Variants in IARS1 observed in about 807,000 individuals in gnomAD.
IARS1 encodes the protein isoleucine--tRNA ligase, cytoplasmic.
IARS1 carries 124 observed loss-of-function variants against 168.2 expected under a neutral mutation model. The ratio of observed to expected loss-of-function variants is 0.74; its 90% CI spans 0.64 to 0.86. IARS1 has a LOEUF of 0.86. IARS1 is among the 40% of genes least tolerant of loss of function. The probability of loss-of-function intolerance (pLI) is 0.00; values close to 1 mark genes in which losing one functional copy is unlikely to be tolerated. For missense variants in IARS1, 1,452 were observed against 1,515.8 expected (o/e 0.96, Z 0.70); for synonymous variants, 532 against 529.4 (o/e 1.00, Z -0.07).
At chr9:92,239,782 G>C (rs2133586863) in intron 30 of IARS1, among the ~76,000 whole-genome samples, 1 of 152,240 alleles carries the variant, frequency 6.6e-6, no homozygotes, top group East Asian at 1.9e-4. Flanking sequence ...TGACAGGGGA[G>C]GGGTCTTCAG....
At chr9:92,258,321 C>T (rs1034571605) in intron 19 of IARS1, among the ~76,000 whole-genome samples, 4 of 152,138 alleles carry the variant, frequency 2.6e-5, no homozygotes, top group Admixed American at 1.3e-4. Context: ...AGCTGGGTGC[C>T]GTGGCTCATG....
intron 2 of IARS1, 53 bp from the exon 3 acceptor site, chr9:92,288,335 G>C (rs1490402627): frequency 6.5e-7 from 1 of 1,530,474 alleles, no homozygotes; most frequent in Admixed American, 1.7e-5. Context: ...AAAATTTAAG[G>C]CATTTTTCTA....
intron 30 of IARS1, among the ~76,000 whole-genome samples, chr9:92,235,887 G>A (rs1277892985): frequency 1.3e-5 from 2 of 152,140 alleles, no homozygotes; most frequent in Non-Finnish European, 2.9e-5. Context: ...CTTGGTGATG[G>A]TGCATAATTC....
chr9:92,260,253 G>C lies in IARS1; in HGVS notation c.1788-19C>G. On this transcript the variant is annotated intron_variant, in intron 17 of 33. Transcript: ENST00000443024. ...GCCATCACTTGTAAAACAAAAGGGA[G>C]ATGCCAATTAAGTAAGTCAATATCA... 1 of 1,482,906 alleles carries C rather than the reference G, an allele frequency of 6.7e-7. No individual in the cohort carries two copies. Among genetic ancestry groups the C allele is most frequent in the South Asian group, 1.1e-5 (1 of 88,310 alleles). 91.9% of individuals were successfully genotyped at this position (1,482,906 alleles called of 1,614,324 possible).
chr9:92,236,263 C>T (rs921599471), intron 30 of IARS1, among the ~76,000 whole-genome samples: 2 of 152,206 alleles, frequency 1.3e-5, no homozygotes, highest in African/African-American at 4.8e-5. Context: ...AGATTACAGG[C>T]ATAAGCCACC....
intron 22 of IARS1, chr9:92,251,210 A>ATC (rs1481435408): frequency 6.5e-6 from 3 of 461,092 alleles, no homozygotes; most frequent in Non-Finnish European, 1.3e-5. Context: ...GAGATCAGGC[A>ATC]TGGAGAGCAC....
chr9:92,243,130 A>G (rs1203186911), intron 28 of IARS1, 86 bp downstream of exon 28: 3 of 887,570 alleles, frequency 3.4e-6, no homozygotes, highest in South Asian at 1.4e-5. Flanking sequence ...ACTATGGTTT[A>G]TATTACCTGC....
In IARS1 at chr9:92,210,662, T is replaced by C. The variant is rs536759425; in HGVS notation, c.*145A>G. 5.1e-6 allele frequency: 3 copies of C among 592,798 alleles called. No individual in the cohort carries two copies. The South Asian group carries it at 6.9e-5, about 14-fold the overall frequency. 36.7% of individuals were successfully genotyped at this position (592,798 alleles called of 1,614,324 possible). A position where few individuals can be genotyped will look rare whatever the true frequency, so the allele number is the denominator to read the frequency against. On this transcript the variant is annotated 3_prime_UTR_variant, in exon 34 of 34. Transcript: ENST00000443024. ...CAAGTTACTTGACTAATCAATCCCA[T>C]TTGAATTTCAATCCAAGCAGCATAT...
intron 6 of IARS1, 115 bp downstream of exon 6, chr9:92,285,607 A>G (rs1041736680): frequency 2.0e-5 from 13 of 651,864 alleles, no homozygotes; most frequent in Non-Finnish European, 3.4e-5. Flanking sequence ...AAAGTGGTGG[A>G]TGTCGTGGGC....
chr9:92,213,199 G>A (rs1048235839), intron 33 of IARS1, among the ~76,000 whole-genome samples: 9 of 152,118 alleles, frequency 5.9e-5, no homozygotes. Context: ...CTCCCATGGG[G>A]TCTGGTGGCT....
rs184814343 is a variant in IARS1 at position 92,276,120 on chromosome 9, C to T, written c.895-1599G>A. 1.7e-4 allele frequency among the ~76,000 whole-genome samples: 26 copies of T among 152,140 alleles called. No homozygotes were observed. The East Asian group carries it at 4.4e-3, about 26-fold the overall frequency. ...ACAACATAAAACAAAGTATGTTAAGCTATATGATAGGAGAATGGAATGAAG... is the reference window on the plus strand; with the variant it reads ...ACAACATAAAACAAAGTATGTTAAGTTATATGATAGGAGAATGGAATGAAG... On this transcript the variant is annotated intron_variant, in intron 9 of 33. Coordinates refer to ENST00000443024, the MANE Select transcript of IARS1 (RefSeq NM_002161.6).
At chr9:92,238,682 A>AT (rs937975648) in intron 30 of IARS1, among the ~76,000 whole-genome samples, 20 of 152,240 alleles carry the variant, frequency 1.3e-4, no homozygotes, top group African/African-American at 4.3e-4. Flanking sequence ...TTAGAGTTCC[A>AT]TTTTTTATTT....
intron 33 of IARS1, among the ~76,000 whole-genome samples, chr9:92,217,828 C>T (rs1229438145): frequency 1.3e-5 from 2 of 151,882 alleles, no homozygotes; most frequent in Non-Finnish European, 2.9e-5. Context: ...GATTCACAGC[C>T]GAATTCTACC....
intron 6 of IARS1, among the ~76,000 whole-genome samples, chr9:92,283,899 G>A (rs959799899): frequency 6.6e-6 from 1 of 152,174 alleles, no homozygotes. Context: ...TATTAAAGGT[G>A]GCTAGGTGCA....
At chr9:92,240,325 G>T in intron 30 of IARS1, 1 of 241,018 alleles carries the variant, frequency 4.1e-6, no homozygotes, top group Non-Finnish European at 8.0e-6. Context: ...GTGCAATGGT[G>T]CAATCTCAGC....
At chr9:92,254,383 C>G (rs1388473062) in intron 20 of IARS1, among the ~76,000 whole-genome samples, 1 of 152,184 alleles carries the variant, frequency 6.6e-6, no homozygotes, top group African/African-American at 2.4e-5. Flanking sequence ...AAGACCGATA[C>G]TTAGAAACAA....
chr9:92,291,718 T>C (rs1836368479), intron 1 of IARS1, among the ~76,000 whole-genome samples: 1 of 152,244 alleles, frequency 6.6e-6, no homozygotes, highest in Admixed American at 6.5e-5. Context: ...CTGAAACTTA[T>C]GGGATTGTTA....
intron 30 of IARS1, among the ~76,000 whole-genome samples, chr9:92,239,853 G>C (rs181046309): frequency 6.6e-6 from 1 of 152,106 alleles, no homozygotes; most frequent in African/African-American, 2.4e-5. Flanking sequence ...TGGTGGTGGG[G>C]CCATAGTTTT....
At chr9:92,213,164 A>C (rs1360136258) in intron 33 of IARS1, among the ~76,000 whole-genome samples, 3 of 152,146 alleles carry the variant, frequency 2.0e-5, no homozygotes, top group Non-Finnish European at 4.4e-5. Context: ...AAACGGGAGA[A>C]TTACACAGAG....
Sources: gnomAD v4.1 joint callset for allele counts (sites outside exome capture counted in the v4.1 genomes callset) on GRCh38, gnomAD v4.1.1 for gene constraint, MANE v1.5 for transcripts, NCBI Gene and HGNC (gene_info 2026-07-23, HGNC 2026-07-21) for gene names.